The following OTOGL variants were observed in gnomAD, a reference collection of about 807,000 sequenced individuals.
OTOGL encodes otogelin like, also known as otogelin-like protein.
In OTOGL, 285 loss-of-function variants were observed where a neutral mutation model predicts 318.5. That is an observed-to-expected ratio of 0.89 (90% CI 0.81 to 0.99). The LOEUF (loss-of-function observed/expected upper bound fraction) is 0.99. Among genes scored for constraint, OTOGL ranks in the 50% least tolerant of loss-of-function variants. The pLI is 0.00. For synonymous variants in OTOGL, 987 were observed against 936.5 expected (o/e 1.05, Z -0.99); for missense variants, 2,899 against 2,845.6 (o/e 1.02, Z -0.43).
chr12:80,219,755 T>A (rs1878108121), intron 5 of OTOGL, 59 bp from the exon 6 acceptor site: 1 of 1,086,006 alleles, frequency 9.2e-7, no homozygotes, highest in African/African-American at 1.6e-5. Context: ...CTTGACATAT[T>A]ATGCTTAAAA....
At chr12:80,239,123 C>A in intron 10 of OTOGL, 145 bp downstream of exon 10, 1 of 1,125,034 alleles carries the variant, frequency 8.9e-7, no homozygotes, top group Non-Finnish European at 1.2e-6. Flanking sequence ...AGGAAATCAC[C>A]TTAATTTTAG....
intron 1 of OTOGL, among the ~76,000 whole-genome samples, chr12:80,162,303 C>T (rs1244204267): frequency 6.6e-6 from 1 of 152,124 alleles, no homozygotes; most frequent in Non-Finnish European, 1.5e-5. Flanking sequence ...AGATGCACTT[C>T]TCTAATTATA....
intron 29 of OTOGL, among the ~76,000 whole-genome samples, chr12:80,308,019 C>G (rs1453310309): frequency 7.0e-6 from 1 of 143,604 alleles, no homozygotes; most frequent in Admixed American, 6.7e-5. Flanking sequence ...CCTCACCTGC[C>G]GGACGGGGCG....
At chr12:80,151,192 C>G (rs933516972) in intron 1 of OTOGL, among the ~76,000 whole-genome samples, 2 of 152,000 alleles carry the variant, frequency 1.3e-5, no homozygotes, top group African/African-American at 4.8e-5. Context: ...CATAGTTAAT[C>G]CAACATGTAC....
chr12:80,174,618 G>A (rs1482914321), intron 1 of OTOGL, among the ~76,000 whole-genome samples: 3 of 152,160 alleles, frequency 2.0e-5, no homozygotes, highest in African/African-American at 7.2e-5. Context: ...AATTCTGTGT[G>A]AGAACATATT....
chr12:80,259,472 G>A (rs769887023), intron 18 of OTOGL, among the ~76,000 whole-genome samples: 15 of 151,744 alleles, frequency 9.9e-5, no homozygotes, highest in Admixed American at 6.6e-4. Context: ...CTATCAACCC[G>A]TCATCTAGGT....
intron 1 of OTOGL, among the ~76,000 whole-genome samples, chr12:80,123,681 A>G (rs1239539470): frequency 6.6e-6 from 1 of 151,968 alleles, no homozygotes; most frequent in Non-Finnish European, 1.5e-5. Context: ...CCATTTCTCC[A>G]CATCCTCTCC....
chr12:80,326,884 G>T (rs1308396721), intron 35 of OTOGL, among the ~76,000 whole-genome samples: 1 of 152,146 alleles, frequency 6.6e-6, no homozygotes, highest in Non-Finnish European at 1.5e-5. Flanking sequence ...AGGGTCTTCT[G>T]AGCAGCATTT....
At chr12:80,318,204 T>C (rs11114399) in intron 32 of OTOGL, among the ~76,000 whole-genome samples, 2 of 152,268 alleles carry the variant, frequency 1.3e-5, no homozygotes, top group East Asian at 3.9e-4. Flanking sequence ...TCTTTGAATC[T>C]TTTTTCTCCT....
At chr12:80,135,770 T>A (rs1209149443) in intron 1 of OTOGL, among the ~76,000 whole-genome samples, 1 of 152,188 alleles carries the variant, frequency 6.6e-6, no homozygotes, top group African/African-American at 2.4e-5. Context: ...AGATTGATAT[T>A]TAAACTGGTA....
chr12:80,346,275 C>T (rs1431653651), intron 44 of OTOGL, among the ~76,000 whole-genome samples: 3 of 152,058 alleles, frequency 2.0e-5, no homozygotes, highest in Non-Finnish European at 4.4e-5. Flanking sequence ...TTTATAGTGA[C>T]TTCTTTGGGC....
At chr12:80,164,092 T>C (rs1049045270) in intron 1 of OTOGL, among the ~76,000 whole-genome samples, 2 of 152,158 alleles carry the variant, frequency 1.3e-5, no homozygotes, top group East Asian at 3.9e-4. Context: ...GGCTCTACTG[T>C]GTAACTTTGT....
In OTOGL at chr12:80,321,582, TA is replaced by T. The variant is rs564471231; in HGVS notation, c.4081+889del. Reference sequence around the variant, plus strand: ...CTAAAACTGAAAGTATAATAAAAAATAAAAAAATAAAAAATAAAAAAAAATT... The same window carrying T: ...CTAAAACTGAAAGTATAATAAAAAATAAAAAATAAAAAATAAAAAAAAATT... On this transcript the variant is annotated intron_variant, in intron 34 of 58. Transcript: ENST00000547103. Among the ~76,000 whole-genome samples the T allele has an allele frequency of 3.3e-3, 496 of 151,192 alleles. 2 individuals are homozygous for T. The highest frequency in any genetic ancestry group is 0.011 in the African/African-American group (471 of 41,032).
rs1047244394 is a variant in OTOGL, at chr12:80,318,798, T to C, written c.3802+85T>C. On this transcript the variant is annotated intron_variant, in intron 33 of 58. Coordinates refer to ENST00000547103, the MANE Select transcript of OTOGL (RefSeq NM_001378609.3). ...CAGTAAATATTAATTGAGAATCTAA[T>C]ATGTTTATGGTATTTTTTAAAAGTG... 6 of 1,000,530 alleles carry C rather than the reference T, an allele frequency of 6.0e-6. No homozygotes were observed. In the African/African-American group the frequency reaches 1.0e-4, roughly 17 times the overall value. 62.0% of individuals were successfully genotyped at this position (1,000,530 alleles called of 1,614,324 possible).
intron 29 of OTOGL, among the ~76,000 whole-genome samples, chr12:80,308,412 G>A (rs1441150547): frequency 1.7e-4 from 26 of 151,870 alleles, no homozygotes; most frequent in African/African-American, 3.6e-4. Context: ...GACGATGGGC[G>A]GCCGGGCAGA....
chr12:80,221,511 T>C (rs1301536630), intron 6 of OTOGL, among the ~76,000 whole-genome samples: 2 of 152,070 alleles, frequency 1.3e-5, no homozygotes, highest in Admixed American at 6.5e-5. Flanking sequence ...TCAGGTAACC[T>C]GCCCACCTTG....
chr12:80,332,667 C>T (rs770317954), intron 37 of OTOGL, among the ~76,000 whole-genome samples: 2 of 152,150 alleles, frequency 1.3e-5, no homozygotes, highest in Non-Finnish European at 2.9e-5. Flanking sequence ...GTTAGTGATA[C>T]TATTAATATT....
At chr12:80,162,854 A>G (rs1214455102) in intron 1 of OTOGL, among the ~76,000 whole-genome samples, 3 of 152,026 alleles carry the variant, frequency 2.0e-5, no homozygotes, top group Admixed American at 6.6e-5. Flanking sequence ...GGACACAATC[A>G]TTATAGGTGT....
chr12:80,352,351 C>T lies in OTOGL; in HGVS notation c.5322C>T (p.Asn1774=), dbSNP rs767657466. ...GGATCAATTATACCTATTTTTGGAA[C>T]TATGAATGTGATGCACTTTCTGCAT... ...KMWINYTYFW[N]YECDALSAYV... Residue 1774 remains asparagine (N), a synonymous_variant, in exon 45 of 59, where the codon AAC becomes AAT. Coordinates refer to ENST00000547103, the MANE Select transcript of OTOGL (RefSeq NM_001378609.3). 1.1e-5 allele frequency: 18 copies of T among 1,612,354 alleles called. No homozygotes were observed. The highest frequency in any genetic ancestry group is 2.7e-5 in the African/African-American group (2 of 74,878).
Sources: allele counts gnomAD v4.1 joint callset (sites outside exome capture counted in the v4.1 genomes callset), GRCh38; gene constraint gnomAD v4.1.1; transcripts MANE v1.5; gene names NCBI Gene and HGNC (gene_info 2026-07-23, HGNC 2026-07-21).